Variants in NALF1 observed in about 807,000 individuals in gnomAD.
NALF1 encodes the protein NALCN channel auxiliary factor 1, also known as family with sequence similarity 155 member A.
Under a neutral mutation model 48.4 loss-of-function variants are expected in NALF1, and 3 were observed. The ratio of observed to expected loss-of-function variants is 0.06; its 90% CI spans 0.03 to 0.16. The LOEUF is 0.16. Ranked by LOEUF, NALF1 falls within the 10% of genes least tolerant of loss-of-function variation. The probability of loss-of-function intolerance (pLI) is 1.00; values close to 1 mark genes in which losing one functional copy is unlikely to be tolerated. For missense variants in NALF1, 526 were observed against 571.5 expected (o/e 0.92, Z 0.81); for synonymous variants, 262 against 245.7 (o/e 1.07, Z -0.62).
chr13:107,524,599 T>C (rs1360022829), intron 1 of NALF1, among the ~76,000 whole-genome samples: 1 of 152,102 alleles, frequency 6.6e-6, no homozygotes, highest in Non-Finnish European at 1.5e-5. Flanking sequence ...AGAATTAGAA[T>C]ACTGCATAAT....
At chr13:107,203,611 C>T (rs1441678757) in intron 2 of NALF1, among the ~76,000 whole-genome samples, 1 of 152,046 alleles carries the variant, frequency 6.6e-6, no homozygotes, top group South Asian at 2.1e-4. Context: ...GCTCCATCCC[C>T]GTGGTGCCCC....
chr13:107,576,841 G>C (rs1878167094), intron 1 of NALF1, among the ~76,000 whole-genome samples: 1 of 152,182 alleles, frequency 6.6e-6, no homozygotes, highest in South Asian at 2.1e-4. Flanking sequence ...CGTAGTCTCA[G>C]TGTAGGATTG....
chr13:107,666,392 T>C (rs904163662), intron 1 of NALF1, among the ~76,000 whole-genome samples: 3 of 152,160 alleles, frequency 2.0e-5, no homozygotes, highest in African/African-American at 7.2e-5. Flanking sequence ...GGTAAAGCCA[T>C]GTTTCATCTC....
intron 1 of NALF1, among the ~76,000 whole-genome samples, chr13:107,847,353 C>T (rs1277596424): frequency 6.6e-6 from 1 of 152,072 alleles, no homozygotes; most frequent in East Asian, 1.9e-4. Flanking sequence ...AATAATGTAA[C>T]GGATGTGCAA....
At chr13:107,215,495 T>C (rs528455353) in intron 1 of NALF1, among the ~76,000 whole-genome samples, 4 of 144,154 alleles carry the variant, frequency 2.8e-5, no homozygotes, top group African/African-American at 9.8e-5. Context: ...ATTTTCACAC[T>C]CTTAATGAAG....
At chr13:107,634,441 A>G (rs1412153291) in intron 1 of NALF1, among the ~76,000 whole-genome samples, 1 of 152,196 alleles carries the variant, frequency 6.6e-6, no homozygotes, top group Non-Finnish European at 1.5e-5. Context: ...AAATGTAAGC[A>G]TGAATTTTTT....
At chr13:107,729,919 A>T (rs563257502) in intron 1 of NALF1, among the ~76,000 whole-genome samples, 71 of 152,356 alleles carry the variant, frequency 4.7e-4, no homozygotes, top group African/African-American at 1.6e-3. Flanking sequence ...GACTTGGTCT[A>T]CCAAAAATAT....
chr13:107,386,417 A>G (rs997422967), intron 1 of NALF1, among the ~76,000 whole-genome samples: 3 of 152,186 alleles, frequency 2.0e-5, no homozygotes, highest in African/African-American at 7.2e-5. Context: ...CTTGGCTTTT[A>G]CACAACTGTT....
chr13:107,775,051 T>C (rs1004514649), intron 1 of NALF1, among the ~76,000 whole-genome samples: 2 of 152,218 alleles, frequency 1.3e-5, no homozygotes, highest in Non-Finnish European at 2.9e-5. Context: ...TTTTATTTCA[T>C]GTATTCTTTA....
intron 1 of NALF1, among the ~76,000 whole-genome samples, chr13:107,686,594 G>A (rs867555573): frequency 5.9e-5 from 9 of 151,970 alleles, no homozygotes; most frequent in African/African-American, 1.4e-4. Context: ...GGGTTTCACC[G>A]TGTTGGCCAG....
intron 1 of NALF1, among the ~76,000 whole-genome samples, chr13:107,387,082 C>T (rs147736344): frequency 7.2e-5 from 11 of 152,190 alleles, no homozygotes; most frequent in East Asian, 1.9e-4. Flanking sequence ...CAAATAAAGA[C>T]GACTATGATG....
At chr13:107,664,933 C>T (rs1169459515) in intron 1 of NALF1, among the ~76,000 whole-genome samples, 3 of 151,152 alleles carry the variant, frequency 2.0e-5, no homozygotes, top group Non-Finnish European at 2.9e-5. Context: ...GTTGATCATA[C>T]AAACCACTCA....
chr13:107,776,939 A>G (rs1877750672), intron 1 of NALF1, among the ~76,000 whole-genome samples: 1 of 152,038 alleles, frequency 6.6e-6, no homozygotes, highest in Non-Finnish European at 1.5e-5. Context: ...AAAAATCTAA[A>G]AACTTAGCCA....
intron 1 of NALF1, among the ~76,000 whole-genome samples, chr13:107,310,375 A>C (rs1311782297): frequency 6.6e-6 from 1 of 150,718 alleles, no homozygotes; most frequent in East Asian, 2.0e-4. Flanking sequence ...ATGCCACTGC[A>C]CTCCAGCCAG....
rs1488672174 is a variant in NALF1, at chr13:107,495,234, T to C, written c.916-284479A>G. ...GATTTCATCAGATACTACAAACAAT[T>C]GTGCTTTTTGTGGTACATAAAGAGA... On this transcript the variant is annotated intron_variant, in intron 1 of 2. Coordinates refer to ENST00000375915, the MANE Select transcript of NALF1 (RefSeq NM_001080396.3). Among the ~76,000 whole-genome samples the C allele has an allele frequency of 8.5e-5, 13 of 152,284 alleles. 1 individual carries two copies. The highest frequency in any genetic ancestry group is 2.9e-4 in the African/African-American group (12 of 41,564).
At chr13:107,405,515 T>C (rs569638675) in intron 1 of NALF1, among the ~76,000 whole-genome samples, 113 of 152,188 alleles carry the variant, frequency 7.4e-4, no homozygotes, top group African/African-American at 2.7e-3. Context: ...CCTTTCAAGT[T>C]GGCCAAAATT....
At chr13:107,452,723 C>T (rs1358806679) in intron 1 of NALF1, among the ~76,000 whole-genome samples, 1 of 152,208 alleles carries the variant, frequency 6.6e-6, no homozygotes, top group Non-Finnish European at 1.5e-5. Flanking sequence ...TTAATTCATT[C>T]TAGCATTAAT....
intron 1 of NALF1, among the ~76,000 whole-genome samples, chr13:107,429,896 T>C (rs7982797): frequency 0.23 from 35,328 of 152,106 alleles, 4,203 homozygotes; most frequent in Admixed American, 0.28. Context: ...GACAGTATTG[T>C]TTCACAAAGA....
chr13:107,593,077 T>C (rs1566406747), intron 1 of NALF1, among the ~76,000 whole-genome samples: 1 of 151,908 alleles, frequency 6.6e-6, no homozygotes, highest in African/African-American at 2.4e-5. Flanking sequence ...GGGTAATTTT[T>C]AGAATTAAGG....
Sources: gnomAD v4.1 joint callset for allele counts (sites outside exome capture counted in the v4.1 genomes callset) on GRCh38, gnomAD v4.1.1 for gene constraint, MANE v1.5 for transcripts, NCBI Gene and HGNC (gene_info 2026-07-23, HGNC 2026-07-21) for gene names.